The following HS3ST4 variants were observed in gnomAD, a reference collection of about 807,000 sequenced individuals.
HS3ST4 encodes the protein heparan sulfate glucosamine 3-O-sulfotransferase 4.
HS3ST4 carries 17 observed loss-of-function variants against 29.2 expected under a neutral mutation model. That is an observed-to-expected ratio of 0.58 (90% CI 0.40 to 0.87). HS3ST4 has a LOEUF of 0.87. Ranked by LOEUF, HS3ST4 falls within the 40% of genes least tolerant of loss-of-function variation. The pLI is 0.00. For synonymous variants in HS3ST4, 314 were observed against 285.7 expected (o/e 1.10, Z -1.00); for missense variants, 627 against 634.5 (o/e 0.99, Z 0.13).
intron 1 of HS3ST4, among the ~76,000 whole-genome samples, chr16:25,940,860 C>G (rs1188153286): frequency 6.6e-6 from 1 of 152,170 alleles, no homozygotes; most frequent in African/African-American, 2.4e-5. Flanking sequence ...ATCTTCATCT[C>G]CCCCCAGCTC....
chr16:25,994,431 A>G (rs1969141813), intron 1 of HS3ST4, among the ~76,000 whole-genome samples: 1 of 151,920 alleles, frequency 6.6e-6, no homozygotes, highest in Non-Finnish European at 1.5e-5. Flanking sequence ...ATTTCCTACC[A>G]TTTCATACAG....
intron 1 of HS3ST4, among the ~76,000 whole-genome samples, chr16:25,965,544 C>G (rs868194538): frequency 5.3e-5 from 8 of 152,144 alleles, no homozygotes; most frequent in Non-Finnish European, 1.2e-4. Flanking sequence ...GAGTCTGCAG[C>G]CTCATGCATT....
intron 1 of HS3ST4, among the ~76,000 whole-genome samples, chr16:25,777,297 C>G (rs1371634679): frequency 6.6e-6 from 1 of 152,238 alleles, no homozygotes; most frequent in Non-Finnish European, 1.5e-5. Context: ...CCCCACACCT[C>G]TATAACTTTG....
At chr16:25,734,157 A>G (rs372203484) in intron 1 of HS3ST4, among the ~76,000 whole-genome samples, 3 of 152,184 alleles carry the variant, frequency 2.0e-5, no homozygotes, top group East Asian at 3.8e-4. Context: ...CATTGTAGCG[A>G]CATATACTAG....
At chr16:25,924,956 A>T (rs964279415) in intron 1 of HS3ST4, among the ~76,000 whole-genome samples, 1 of 152,100 alleles carries the variant, frequency 6.6e-6, no homozygotes, top group Non-Finnish European at 1.5e-5. Flanking sequence ...ATTCATTTTC[A>T]TCTTGCTTAA....
intron 1 of HS3ST4, among the ~76,000 whole-genome samples, chr16:26,086,086 A>G (rs997155795): frequency 6.6e-6 from 1 of 151,972 alleles, no homozygotes; most frequent in Non-Finnish European, 1.5e-5. Flanking sequence ...TATCTAGGGC[A>G]GTCCTGGAAT....
At chr16:25,797,865 A>G (rs570824914) in intron 1 of HS3ST4, among the ~76,000 whole-genome samples, 2 of 152,308 alleles carry the variant, frequency 1.3e-5, no homozygotes, top group Admixed American at 6.5e-5. Flanking sequence ...TGGCTAGAAC[A>G]GGCATTTTCT....
chr16:26,109,191 A>G (rs1265897567), intron 1 of HS3ST4, among the ~76,000 whole-genome samples: 1 of 152,192 alleles, frequency 6.6e-6, no homozygotes, highest in African/African-American at 2.4e-5. Context: ...ATTTACAGCT[A>G]ATTCCCTGTA....
At chr16:26,134,621 A>C (rs1898256878) in intron 1 of HS3ST4, among the ~76,000 whole-genome samples, 1 of 151,924 alleles carries the variant, frequency 6.6e-6, no homozygotes, top group East Asian at 1.9e-4. Context: ...CAGCCTCCCA[A>C]AGTGCTGGGA....
At chr16:26,131,665 G>A (rs1336178305) in intron 1 of HS3ST4, among the ~76,000 whole-genome samples, 1 of 152,206 alleles carries the variant, frequency 6.6e-6, no homozygotes, top group African/African-American at 2.4e-5. Context: ...CCACAGGAGG[G>A]ATGCCTCCTC....
intron 1 of HS3ST4, among the ~76,000 whole-genome samples, chr16:25,900,296 A>G (rs1043049820): frequency 5.9e-5 from 9 of 152,226 alleles, no homozygotes; most frequent in Non-Finnish European, 1.2e-4. Flanking sequence ...GTCATTAATG[A>G]AAGTGGAATG....
chr16:26,109,532 G>T (rs983171223), intron 1 of HS3ST4, among the ~76,000 whole-genome samples: 10 of 152,074 alleles, frequency 6.6e-5, no homozygotes, highest in East Asian at 1.9e-4. Context: ...GGCTGGGGAA[G>T]AAATGTTCTG....
chr16:25,898,571 C>T (rs971924401), intron 1 of HS3ST4, among the ~76,000 whole-genome samples: 9 of 152,194 alleles, frequency 5.9e-5, no homozygotes, highest in African/African-American at 1.9e-4. Flanking sequence ...AATTAACTCA[C>T]TTTGGGAAAT....
At chr16:25,775,891 C>T (rs59583038) in intron 1 of HS3ST4, among the ~76,000 whole-genome samples, 21,204 of 152,172 alleles carry the variant, frequency 0.14, 1,758 homozygotes, top group East Asian at 0.26. Flanking sequence ...CTTGGAACTC[C>T]GCATACAGTC....
At chr16:25,881,992 GT>G (rs1967900287) in intron 1 of HS3ST4, among the ~76,000 whole-genome samples, 1 of 152,148 alleles carries the variant, frequency 6.6e-6, no homozygotes, top group Admixed American at 6.5e-5. Context: ...CCTTCTTATA[GT>G]TTTGCTTTTG....
At chr16:25,958,491 C>T (rs925914945) in intron 1 of HS3ST4, among the ~76,000 whole-genome samples, 5 of 152,112 alleles carry the variant, frequency 3.3e-5, no homozygotes, top group South Asian at 4.2e-4. Flanking sequence ...CCACCACACC[C>T]GGCTAATTTT....
intron 1 of HS3ST4, among the ~76,000 whole-genome samples, chr16:25,743,579 C>T (rs2141598636): frequency 6.6e-6 from 1 of 152,258 alleles, no homozygotes. Flanking sequence ...GATATCGGCT[C>T]ACTACAACCT....
At chr16:25,940,746 G>C (rs536672936) in intron 1 of HS3ST4, among the ~76,000 whole-genome samples, 58 of 152,304 alleles carry the variant, frequency 3.8e-4, no homozygotes, top group African/African-American at 1.3e-3. Flanking sequence ...TGACTGTATG[G>C]ATGAAAGTGC....
At chr16:25,730,405 C>T (rs576559465) in intron 1 of HS3ST4, among the ~76,000 whole-genome samples, 1 of 145,386 alleles carries the variant, frequency 6.9e-6, no homozygotes, top group Admixed American at 6.9e-5. Context: ...CCTTCTCTCC[C>T]TCTCTCCCTC....
Sources: allele counts gnomAD v4.1 joint callset (sites outside exome capture counted in the v4.1 genomes callset), GRCh38; gene constraint gnomAD v4.1.1; transcripts MANE v1.5; gene names NCBI Gene and HGNC (gene_info 2026-07-23, HGNC 2026-07-21).